The following LEMD1 variants were observed in gnomAD, a reference collection of about 807,000 sequenced individuals.
LEMD1 encodes the protein LEM domain containing 1.
A neutral mutation model predicts 17.4 loss-of-function variants in LEMD1; 18 were observed. The observed-to-expected ratio is 1.04, with a 90% CI of 0.72 to 1.54. The LOEUF (loss-of-function observed/expected upper bound fraction) is 1.54. Ranked by LOEUF, LEMD1 falls within the 40% of genes most tolerant of loss-of-function variation. LEMD1 has a pLI of 0.00. For synonymous variants in LEMD1, 88 were observed against 77.8 expected (o/e 1.13, Z -0.69); for missense variants, 195 against 210.4 (o/e 0.93, Z 0.45).
rs1179446389 is a variant in LEMD1, at chr1:205,381,383, T to C, written c.*275A>G. 3 of 457,748 alleles carry C rather than the reference T, an allele frequency of 6.6e-6. No homozygotes were observed. The highest frequency in any genetic ancestry group is 1.2e-5 in the Non-Finnish European group (3 of 252,582). The allele number at this position is 457,748 out of a possible 1,614,324, so 28.4% of individuals were successfully genotyped here. A position where few individuals can be genotyped will look rare whatever the true frequency, so the allele number is the denominator to read the frequency against. On this transcript the variant is annotated 3_prime_UTR_variant, in exon 6 of 6. Transcript: ENST00000367153. ...GAAAGAAAAACGCCAGACAGTTTCC[T>C]TGTTTGACGCCTGCTCAAATATGGA...
intron 1 of LEMD1, among the ~76,000 whole-genome samples, chr1:205,427,845 A>G (rs1666077402): frequency 6.6e-6 from 1 of 152,250 alleles, no homozygotes; most frequent in Non-Finnish European, 1.5e-5. Flanking sequence ...GAGGATCTCC[A>G]AATTGACCTG....
At chr1:205,425,314 T>G (rs1365456706), upstream of LEMD1, among the ~76,000 whole-genome samples, 1 of 152,188 alleles carries the variant, frequency 6.6e-6, no homozygotes, top group Non-Finnish European at 1.5e-5. Context: ...TAATCTTTCC[T>G]AGGCTAATAT....
At position 205,420,504 on chromosome 1, in the gene LEMD1, T is replaced by C. The variant is rs1665913423; in HGVS notation, c.33A>G (p.Lys11=). 2 of 1,613,982 alleles carry C rather than the reference T, an allele frequency of 1.2e-6. No homozygotes were observed. Among genetic ancestry groups the C allele is most frequent in the African/African-American group, 1.3e-5 (1 of 74,926 alleles). MVDVKCLSDC[K]LQNQLEKLGF... ...CAAGCTTCTCAAGTTGGTTCTGCAATTTACAGTCACTCAGACACTTCACAT... is the reference window on the plus strand; with the variant it reads ...CAAGCTTCTCAAGTTGGTTCTGCAACTTACAGTCACTCAGACACTTCACAT... The change falls in exon 2 of 6, where the codon AAA becomes AAG. Residue 11 remains lysine, a synonymous_variant. Coordinates refer to ENST00000367153, the MANE Select transcript of LEMD1 (RefSeq NM_001199050.2).
upstream of LEMD1, among the ~76,000 whole-genome samples, chr1:205,425,940 C>T (rs529681177): frequency 4.0e-5 from 6 of 151,872 alleles, no homozygotes; most frequent in African/African-American, 1.2e-4. Flanking sequence ...AACTATGATA[C>T]TCCAGTTCCA....
At chr1:205,392,145 C>T (rs1664373920) in intron 4 of LEMD1, among the ~76,000 whole-genome samples, 2 of 151,786 alleles carry the variant, frequency 1.3e-5, no homozygotes, top group East Asian at 3.9e-4. Context: ...TCCAGGGTCT[C>T]CTGAGGGGAG....
intron 4 of LEMD1, among the ~76,000 whole-genome samples, chr1:205,400,000 T>C (rs74845055): frequency 0.013 from 1,979 of 152,278 alleles, 50 homozygotes; most frequent in African/African-American, 0.045. Flanking sequence ...AATATGTTGG[T>C]GTCATTTCAG....
chr1:205,440,709 G>A lies in LEMD1; in HGVS notation c.-39+9159C>T, dbSNP rs193158116. On this transcript the variant is annotated intron_variant, in intron 1 of 3. Coordinates refer to the LEMD1 transcript ENST00000367154. ...TGTGTGGCTGGGGCCTCTCTCCAAG[G>A]AGGTCTGAGAATTGGAAGCTAATGG... The A allele has an allele frequency of 6.7e-3, 1,025 of 152,648 alleles. 11 individuals carry two copies. Among genetic ancestry groups the A allele is most frequent in the Admixed American group, 0.015 (229 of 15,316 alleles). The allele number at this position is 152,648 out of a possible 1,614,324, so 9.5% of individuals were successfully genotyped here. A position where few individuals can be genotyped will look rare whatever the true frequency, so the allele number is the denominator to read the frequency against.
intron 1 of LEMD1, among the ~76,000 whole-genome samples, chr1:205,446,286 G>C (rs11579265): frequency 0.098 from 14,892 of 152,278 alleles, 952 homozygotes; most frequent in Non-Finnish European, 0.13. Context: ...AAGCAATCCA[G>C]GCCCAGCCCC....
At chr1:205,397,010 C>T (rs973672142) in intron 4 of LEMD1, among the ~76,000 whole-genome samples, 2 of 152,190 alleles carry the variant, frequency 1.3e-5, no homozygotes, top group African/African-American at 4.8e-5. Flanking sequence ...ATTCCAGCTA[C>T]CAATCTGCAT....
At chr1:205,427,336 C>T (rs1448338865) in intron 1 of LEMD1, among the ~76,000 whole-genome samples, 3 of 151,932 alleles carry the variant, frequency 2.0e-5, no homozygotes, top group Non-Finnish European at 4.4e-5. Context: ...GGGATTCTTG[C>T]TGATGAGGGG....
chr1:205,425,565 G>A (rs538854236), upstream of LEMD1, among the ~76,000 whole-genome samples: 2 of 152,264 alleles, frequency 1.3e-5, no homozygotes, highest in African/African-American at 4.8e-5. Flanking sequence ...CACCTACTAC[G>A]TACCAGGCAC....
At position 205,413,764 on chromosome 1, in the gene LEMD1, T is replaced by G. The variant is rs74569390; in HGVS notation, c.270+2468A>C. 9.7e-4 allele frequency among the ~76,000 whole-genome samples: 147 copies of G among 151,860 alleles called. 1 individual carries two copies. In the East Asian group the frequency reaches 0.022, roughly 23 times the overall value. On this transcript the variant is annotated intron_variant, in intron 4 of 5. Transcript: ENST00000367153. ...GCCTCCCGAGTTCAAGTGATTCTTGTGCCTTAGCCTCCTGAGTAGCTGGGA... is the reference window on the plus strand; with the variant it reads ...GCCTCCCGAGTTCAAGTGATTCTTGGGCCTTAGCCTCCTGAGTAGCTGGGA...
chr1:205,448,662 T>G lies in LEMD1; in HGVS notation c.-39+1206A>C, dbSNP rs1666444866. On this transcript the variant is annotated intron_variant, in intron 1 of 3. Transcript: ENST00000367154. The surrounding 1 kb of genome is among the most constrained non-coding windows in gnomAD (Gnocchi z 4.7). ...ATGAGGAGGGGTGGCTTCCTGGCCA[T>G]AAAGGACCTCCTCAAATTCCCTTAA... Among the ~76,000 whole-genome samples, 1 of 152,062 alleles carries G rather than the reference T, an allele frequency of 6.6e-6. No individual in the cohort carries two copies. The highest frequency in any genetic ancestry group is 1.5e-5 in the Non-Finnish European group (1 of 68,006).
Position 205,384,317 on chromosome 1 carries a change from G to T in LEMD1, c.318C>A (p.Cys106Ter). 1 of 1,521,300 alleles carries T rather than the reference G, an allele frequency of 6.6e-7. No individual in the cohort carries two copies. Among genetic ancestry groups the T allele is most frequent in the East Asian group, 2.5e-5 (1 of 39,274 alleles). 94.2% of individuals were successfully genotyped at this position (1,521,300 alleles called of 1,614,324 possible). ...TTCCCTTGGAAGGCTTATAATCCAA[G>T]CAATAGGTATCTACAGCTTTGCGTT... ...TTKRKAVDTY[C>*]LDYKPSKGRR... The change falls in exon 5 of 6, where the codon TGC becomes TGA. Residue 106 changes from cysteine (C) to a stop codon, truncating the protein, a stop_gained. Coordinates refer to ENST00000367153, the MANE Select transcript of LEMD1 (RefSeq NM_001199050.2). LOFTEE classifies it low-confidence loss of function (END_TRUNC).
intron 4 of LEMD1, among the ~76,000 whole-genome samples, chr1:205,409,138 C>A (rs546136292): frequency 6.6e-6 from 1 of 152,090 alleles, no homozygotes; most frequent in Non-Finnish European, 1.5e-5. Context: ...CAAGCCTGGC[C>A]GGCATATTAT....
At chr1:205,444,431 C>T (rs1025032463) in intron 1 of LEMD1, among the ~76,000 whole-genome samples, 3 of 152,068 alleles carry the variant, frequency 2.0e-5, no homozygotes, top group Non-Finnish European at 2.9e-5. Context: ...ATAGAGCATC[C>T]GTCCTCCCCC....
intron 4 of LEMD1, among the ~76,000 whole-genome samples, chr1:205,395,827 G>T (rs1664567793): frequency 6.6e-6 from 1 of 152,020 alleles, no homozygotes; most frequent in Admixed American, 6.6e-5. Flanking sequence ...ATGGGCAAAA[G>T]ACATGAATAG....
chr1:205,445,627 T>C (rs1040825918), intron 1 of LEMD1, among the ~76,000 whole-genome samples: 1 of 152,220 alleles, frequency 6.6e-6, no homozygotes, highest in Non-Finnish European at 1.5e-5. Context: ...CCAAGCATTC[T>C]CAGTGGTTCT....
intron 1 of LEMD1, among the ~76,000 whole-genome samples, chr1:205,432,271 T>C (rs993491062): frequency 6.6e-6 from 1 of 152,148 alleles, no homozygotes; most frequent in Non-Finnish European, 1.5e-5. Flanking sequence ...TGCAATGAGA[T>C]AGGGAAGTTC....
Sources: allele counts gnomAD v4.1 joint callset (sites outside exome capture counted in the v4.1 genomes callset), GRCh38; gene constraint gnomAD v4.1.1; non-coding constraint Gnocchi (gnomAD v3.1); transcripts MANE v1.5; gene names NCBI Gene and HGNC (gene_info 2026-07-23, HGNC 2026-07-21).